PRR11: variants seen among roughly 807,000 people sequenced by gnomAD.
PRR11 encodes proline-rich protein 11.
In PRR11, 30 loss-of-function variants were observed where a neutral mutation model predicts 45.6. That is an observed-to-expected ratio of 0.66 (90% CI 0.49 to 0.89). The LOEUF is 0.89. PRR11 is among the 40% of genes least tolerant of loss of function. The pLI is 0.00. For synonymous variants in PRR11, 128 were observed against 153.5 expected (o/e 0.83, Z 1.23); for missense variants, 373 against 424.8 (o/e 0.88, Z 1.07).
chr17:59,168,662 C>T (rs561076276), intron 1 of PRR11, among the ~76,000 whole-genome samples: 1 of 152,102 alleles, frequency 6.6e-6, no homozygotes, highest in African/African-American at 2.4e-5. Flanking sequence ...TGCACTGCAG[C>T]CTGGGTGACG....
intron 2 of PRR11, among the ~76,000 whole-genome samples, chr17:59,182,771 A>T (rs1301936550): frequency 2.0e-5 from 3 of 151,990 alleles, no homozygotes; most frequent in African/African-American, 4.8e-5. Flanking sequence ...ACACTTCATC[A>T]TCCACCACCT....
chr17:59,157,598 A>G (rs2046632216), intron 1 of PRR11, among the ~76,000 whole-genome samples: 1 of 152,058 alleles, frequency 6.6e-6, no homozygotes, highest in Non-Finnish European at 1.5e-5. Flanking sequence ...GGTGCTCAAG[A>G]GGCTGAAGCA....
intron 1 of PRR11, among the ~76,000 whole-genome samples, chr17:59,161,032 C>T (rs1252801956): frequency 6.6e-6 from 1 of 152,086 alleles, no homozygotes; most frequent in Non-Finnish European, 1.5e-5. Context: ...CACTTTGAAC[C>T]ACCGCCCTTT....
At chr17:59,162,611 G>C (rs993796732) in intron 1 of PRR11, among the ~76,000 whole-genome samples, 1 of 151,278 alleles carries the variant, frequency 6.6e-6, no homozygotes, top group Non-Finnish European at 1.5e-5. Context: ...TATTTCTTCT[G>C]GTATTTACCT....
chr17:59,169,626 C>T, intron 1 of PRR11, 122 bp from the exon 2 acceptor site: 2 of 917,678 alleles, frequency 2.2e-6, no homozygotes, highest in South Asian at 2.2e-5. Flanking sequence ...ATTTCTTAAC[C>T]AAGATGGTGG....
intron 7 of PRR11, among the ~76,000 whole-genome samples, chr17:59,196,466 T>G (rs558492144): frequency 6.6e-6 from 1 of 152,198 alleles, no homozygotes; most frequent in South Asian, 2.1e-4. Context: ...AACCTCCACC[T>G]CCCGGGTTCC....
In PRR11 at chr17:59,202,028, A is replaced by G. The variant is rs1275494220; in HGVS notation, c.*397A>G. The G allele has an allele frequency of 1.0e-5, 2 of 195,900 alleles. No individual in the cohort carries two copies. The highest frequency in any genetic ancestry group is 4.6e-5 in the African/African-American group (2 of 43,436). The allele number at this position is 195,900 out of a possible 1,614,324, so 12.1% of individuals were successfully genotyped here. A position where few individuals can be genotyped will look rare whatever the true frequency, so the allele number is the denominator to read the frequency against. Reference sequence around the variant, plus strand: ...TTTTTTTTAATGTAGTAGGGTTTATATAGATATACTAATATAATTGCATTT... The same window carrying G: ...TTTTTTTTAATGTAGTAGGGTTTATGTAGATATACTAATATAATTGCATTT... On this transcript the variant is annotated 3_prime_UTR_variant, in exon 10 of 10. Coordinates refer to ENST00000262293, the MANE Select transcript of PRR11 (RefSeq NM_018304.4).
intron 2 of PRR11, among the ~76,000 whole-genome samples, chr17:59,171,646 C>T (rs1010463308): frequency 6.6e-6 from 1 of 151,900 alleles, no homozygotes; most frequent in Non-Finnish European, 1.5e-5. Flanking sequence ...TAATTCTATG[C>T]CCATCTTTTT....
At chr17:59,195,030 G>T (rs954949798) in intron 6 of PRR11, among the ~76,000 whole-genome samples, 175 bp downstream of exon 6, 1 of 152,176 alleles carries the variant, frequency 6.6e-6, no homozygotes, top group Non-Finnish European at 1.5e-5. Context: ...ATTGGGGTCG[G>T]GGGTGCTGGA....
At chr17:59,176,740 A>G (rs1405999529) in intron 2 of PRR11, among the ~76,000 whole-genome samples, 1 of 113,204 alleles carries the variant, frequency 8.8e-6, no homozygotes, top group Non-Finnish European at 1.6e-5. Flanking sequence ...TCTGTTGCCC[A>G]GGCTGGAATG....
chr17:59,175,470 G>A (rs749598681), intron 2 of PRR11, among the ~76,000 whole-genome samples: 1 of 152,116 alleles, frequency 6.6e-6, no homozygotes, highest in Non-Finnish European at 1.5e-5. Flanking sequence ...TATAAAAAAT[G>A]TAAAAGACAC....
intron 2 of PRR11, among the ~76,000 whole-genome samples, chr17:59,174,498 C>T (rs1022477893): frequency 1.3e-5 from 2 of 152,128 alleles, no homozygotes; most frequent in African/African-American, 4.8e-5. Context: ...ATTTTTGAGT[C>T]AGGGTCTCAC....
intron 2 of PRR11, among the ~76,000 whole-genome samples, chr17:59,173,186 G>A (rs1225665126): frequency 6.6e-6 from 1 of 152,158 alleles, no homozygotes; most frequent in East Asian, 1.9e-4. Context: ...CTAGCTCAGG[G>A]ATTGTAAAGG....
intron 4 of PRR11, 128 bp from the exon 5 acceptor site, chr17:59,193,364 A>C: frequency 8.5e-7 from 1 of 1,176,290 alleles, no homozygotes; most frequent in Non-Finnish European, 1.2e-6. Context: ...ATAAATGAGA[A>C]AATATCAGGA....
chr17:59,198,566 C>A (rs1255390579), intron 9 of PRR11, among the ~76,000 whole-genome samples: 2 of 151,756 alleles, frequency 1.3e-5, no homozygotes, highest in Admixed American at 1.3e-4. Flanking sequence ...CCCAGCTACT[C>A]GGGAGGCTGA....
intron 2 of PRR11, among the ~76,000 whole-genome samples, chr17:59,183,496 C>T (rs545181032): frequency 1.9e-4 from 29 of 152,304 alleles, no homozygotes; most frequent in Admixed American, 1.4e-3. Flanking sequence ...CGAATGTTTA[C>T]TGACATTCAC....
rs1057105091 is a variant in PRR11, at chr17:59,185,628, A to G, written c.402+66A>G. ...AGGAGACACTTTTTTTGAAAAGACTATTGCAATAGGGAAAATGCTCAAGTC... is the reference window on the plus strand; with the variant it reads ...AGGAGACACTTTTTTTGAAAAGACTGTTGCAATAGGGAAAATGCTCAAGTC... On this transcript the variant is annotated intron_variant, in intron 4 of 9. Transcript: ENST00000262293. The G allele has an allele frequency of 3.7e-6, 5 of 1,352,552 alleles. No individual in the cohort carries two copies. The African/African-American group carries it at 4.4e-5, about 12-fold the overall frequency. The allele number at this position is 1,352,552 out of a possible 1,614,324, so 83.8% of individuals were successfully genotyped here. A position where few individuals can be genotyped will look rare whatever the true frequency, so the allele number is the denominator to read the frequency against.
intron 7 of PRR11, 54 bp from the exon 8 acceptor site, chr17:59,197,490 A>G: frequency 8.1e-6 from 12 of 1,484,732 alleles, no homozygotes; most frequent in Non-Finnish European, 1.1e-5. Flanking sequence ...TGACCTTGTG[A>G]TCCACCTGCC....
rs566788921 is a variant in PRR11 at position 59,180,706 on chromosome 17, A to G, written c.129-4348A>G. ...TTTTTAGTATTGACTAGGTTTCACT[A>G]TATTGGTCAGGCTGGTCTCGAACAA... On this transcript the variant is annotated intron_variant, in intron 2 of 9. Coordinates refer to ENST00000262293, the MANE Select transcript of PRR11 (RefSeq NM_018304.4). Among the ~76,000 whole-genome samples, 312 of 150,768 alleles carry G rather than the reference A, an allele frequency of 2.1e-3. 3 individuals carry two copies. Among genetic ancestry groups the G allele is most frequent in the African/African-American group, 7.3e-3 (299 of 40,682 alleles).
Sources: gnomAD v4.1 joint callset for allele counts (sites outside exome capture counted in the v4.1 genomes callset) on GRCh38, gnomAD v4.1.1 for gene constraint, MANE v1.5 for transcripts, NCBI Gene and HGNC (gene_info 2026-07-23, HGNC 2026-07-21) for gene names.